Variants in UBE3A observed in about 807,000 individuals in gnomAD.
UBE3A encodes the protein ubiquitin protein ligase E3A.
UBE3A carries 6 observed loss-of-function variants against 83.4 expected under a neutral mutation model. That is an observed-to-expected ratio of 0.07 (90% CI 0.04 to 0.14). The LOEUF is 0.14. UBE3A is among the 10% of genes least tolerant of loss of function. The pLI, the probability that UBE3A is intolerant of heterozygous loss-of-function variation, is 1.00. For synonymous variants in UBE3A, 337 were observed against 355.4 expected (o/e 0.95, Z 0.58); for missense variants, 456 against 1,036.1 (o/e 0.44, Z 7.69).
At chr15:25,434,969 TACACACACACACACAC>T (rs55856025) in intron 1 of UBE3A, among the ~76,000 whole-genome samples, 86 of 142,992 alleles carry the variant, frequency 6.0e-4, no homozygotes, top group African/African-American at 1.4e-3. Context: ...TCTATATACA[TACACACACACACACAC>T]ACACACACAC....
intron 7 of UBE3A, among the ~76,000 whole-genome samples, chr15:25,357,957 T>C (rs988869742): frequency 7.4e-6 from 1 of 134,728 alleles, no homozygotes; most frequent in East Asian, 2.3e-4. Context: ...CAAGCTGGAG[T>C]GCAGCAGCAC....
rs556829175 is a variant in UBE3A at position 25,371,188 on chromosome 15, T to A, written c.986A>T (p.Asn329Ile). Residue 329 changes from asparagine to isoleucine, a missense_variant, in exon 6 of 13, where the codon AAT (asparagine) becomes ATT (isoleucine). Physicochemically the swap from Asn to Ile is moderately radical, Grantham distance 149 (BLOSUM62 -3). Around this residue, in one of 13 missense-constraint regions of UBE3A, gnomAD observed 85 missense variants for 137.0 expected, o/e 0.62. Transcript: ENST00000648336. The surrounding 1 kb of genome is among the most constrained non-coding windows in gnomAD (Gnocchi z 5.3). ...CATCATTCTCCGAATCTGGTCTGCA[T>A]TGTATTTAGACCACAGTCTGATCAG... ...GKLIRLWSKY[N>I]ADQIRRMMET... The A allele has an allele frequency of 3.7e-6, 6 of 1,614,134 alleles. No homozygotes were observed. The highest frequency in any genetic ancestry group is 5.1e-6 in the Non-Finnish European group (6 of 1,180,026).
At chr15:25,418,765 T>C (rs1479592982) in intron 1 of UBE3A, 2 of 152,158 alleles carry the variant, frequency 1.3e-5, no homozygotes, top group African/African-American at 4.8e-5. Context: ...CTTAACAATG[T>C]AACACTGTCA....
At position 25,409,094 on chromosome 15, in the gene UBE3A, C is replaced by G. The variant is rs1567112572; in HGVS notation, c.14G>C (p.Cys5Ser). ...TAAAATAATTCAAAATTACCTTTTACAAGCTGTGGCCATTCGGTGACATCA... is the reference window on the plus strand; with the variant it reads ...TAAAATAATTCAAAATTACCTTTTAGAAGCTGTGGCCATTCGGTGACATCA... Reference protein sequence around the residue: MATACKRSGEPQSDD... With the variant: MATASKRSGEPQSDD... Residue 5 changes from cysteine (C) to serine (S), a missense_variant, in exon 3 of 13, where the codon TGT becomes TCT. Around this residue, in one of 13 missense-constraint regions of UBE3A, gnomAD observed 23 missense variants for 18.6 expected, o/e 1.24. Coordinates refer to ENST00000648336, the MANE Select transcript of UBE3A (RefSeq NM_130839.5). 2 of 1,592,418 alleles carry G rather than the reference C, an allele frequency of 1.3e-6. No individual in the cohort carries two copies. The highest frequency in any genetic ancestry group is 1.7e-6 in the Non-Finnish European group (2 of 1,168,188).
At chr15:25,352,240 T>C (rs1363953058) in intron 11 of UBE3A, among the ~76,000 whole-genome samples, 2 of 152,210 alleles carry the variant, frequency 1.3e-5, no homozygotes, top group Non-Finnish European at 2.9e-5. Flanking sequence ...GTGGTTTACA[T>C]ATTAATGATG....
At chr15:25,406,688 TCACACA>T (rs60819760) in intron 3 of UBE3A, among the ~76,000 whole-genome samples, 22,246 of 148,190 alleles carry the variant, frequency 0.15, 2,167 homozygotes, top group East Asian at 0.42. Flanking sequence ...TTAAAATCAG[TCACACA>T]CACACACACA....
At chr15:25,398,902 T>C (rs1226049221) in intron 4 of UBE3A, among the ~76,000 whole-genome samples, 2 of 149,188 alleles carry the variant, frequency 1.3e-5, no homozygotes, top group South Asian at 2.1e-4. Context: ...CTATTTTCCA[T>C]AAATGCTGTA....
At chr15:25,366,951 ATTTAT>A (rs1181292197) in intron 6 of UBE3A, among the ~76,000 whole-genome samples, 1 of 151,600 alleles carries the variant, frequency 6.6e-6, no homozygotes. Context: ...TTATTTATTT[ATTTAT>A]TTATTTTTTT....
intron 6 of UBE3A, among the ~76,000 whole-genome samples, chr15:25,367,232 T>TAAATATGTAAATATTTACATATTTGC (rs1290648229): frequency 1.4e-5 from 1 of 73,554 alleles, no homozygotes; most frequent in Non-Finnish European, 2.5e-5. Flanking sequence ...TACATATTTG[T>TAAATATGTAAATATTTACATATTTGC]AAATATGTAA....
chr15:25,409,885 C>T (rs539698741), intron 2 of UBE3A, among the ~76,000 whole-genome samples: 16 of 151,452 alleles, frequency 1.1e-4, no homozygotes, highest in Non-Finnish European at 1.8e-4. Context: ...TCTGTATGTA[C>T]GTAAAGTCAT....
chr15:25,437,187 T>C (rs1488618899), intron 1 of UBE3A, among the ~76,000 whole-genome samples: 1 of 152,198 alleles, frequency 6.6e-6, no homozygotes, highest in Non-Finnish European at 1.5e-5. Flanking sequence ...AAAAATGTGG[T>C]AAGTAGCTTG....
chr15:25,437,861 A>G (rs1895596537), intron 1 of UBE3A, among the ~76,000 whole-genome samples: 1 of 152,090 alleles, frequency 6.6e-6, no homozygotes, highest in African/African-American at 2.4e-5. Context: ...GGGGGGGGAA[A>G]AAAGGCCAAC....
chr15:25,391,573 A>C (rs1406248004), intron 4 of UBE3A: 1 of 152,176 alleles, frequency 6.6e-6, no homozygotes, highest in Non-Finnish European at 1.5e-5. Flanking sequence ...TTAATCAATT[A>C]TTGTATGACT....
At position 25,438,531 on chromosome 15, in the gene UBE3A, G is replaced by A. The variant is rs895274051; in HGVS notation, c.-207C>T. The A allele has an allele frequency of 2.0e-5, 3 of 153,262 alleles. No individual in the cohort carries two copies. The highest frequency in any genetic ancestry group is 4.4e-5 in the Non-Finnish European group (3 of 68,602). The allele number at this position is 153,262 out of a possible 1,614,324, so 9.5% of individuals were successfully genotyped here. A position where few individuals can be genotyped will look rare whatever the true frequency, so the allele number is the denominator to read the frequency against. ...CCTGGGCTGCGGCGGCCGCCTCACT[G>A]GTCGTAGTCGCCCTCGCCCGCCGCC... On this transcript the variant is annotated 5_prime_UTR_variant, in exon 1 of 13. Coordinates refer to ENST00000648336, the MANE Select transcript of UBE3A (RefSeq NM_130839.5).
At chr15:25,431,202 C>CT (rs1444721757) in intron 1 of UBE3A, among the ~76,000 whole-genome samples, 1 of 152,162 alleles carries the variant, frequency 6.6e-6, no homozygotes, top group African/African-American at 2.4e-5. Flanking sequence ...TTCTCCCACT[C>CT]TGTTCTTTAA....
At chr15:25,349,015 G>A (rs1595497944) in intron 11 of UBE3A, among the ~76,000 whole-genome samples, 1 of 152,138 alleles carries the variant, frequency 6.6e-6, no homozygotes. Flanking sequence ...AAAAGTTGTG[G>A]GACTCACAGC....
At position 25,386,112 on chromosome 15, in the gene UBE3A, G is replaced by C. The variant is rs147544796; in HGVS notation, c.63-10349C>G. 7.2e-3 allele frequency among the ~76,000 whole-genome samples: 1,097 copies of C among 152,116 alleles called. 13 individuals carry two copies. The highest frequency in any genetic ancestry group is 0.025 in the African/African-American group (1,038 of 41,504). On this transcript the variant is annotated intron_variant, in intron 4 of 12. Transcript: ENST00000648336. Reference sequence around the variant, plus strand: ...AATAACCCAACTTCAGGCCATTATAGCTATCTTGTTCTAACTAAGGGAATG... The same window carrying C: ...AATAACCCAACTTCAGGCCATTATACCTATCTTGTTCTAACTAAGGGAATG...
chr15:25,391,975 TGAA>T (rs760204439), intron 4 of UBE3A, among the ~76,000 whole-genome samples: 3 of 151,548 alleles, frequency 2.0e-5, no homozygotes, highest in Non-Finnish European at 2.9e-5. Flanking sequence ...TGGGAAAGAG[TGAA>T]GAAGAATAAG....
intron 4 of UBE3A, among the ~76,000 whole-genome samples, chr15:25,376,675 A>G (rs1460295258): frequency 6.6e-6 from 1 of 152,146 alleles, no homozygotes; most frequent in African/African-American, 2.4e-5. Context: ...CCAAAAAGAA[A>G]AAGAAAAAGA....
Sources: allele counts gnomAD v4.1 joint callset (sites outside exome capture counted in the v4.1 genomes callset), GRCh38; gene constraint gnomAD v4.1.1; regional missense constraint gnomAD v4.1.1; non-coding constraint Gnocchi (gnomAD v3.1); transcripts MANE v1.5; gene names NCBI Gene and HGNC (gene_info 2026-07-23, HGNC 2026-07-21).